Variants in RBFOX1 observed in about 807,000 individuals in gnomAD.
The protein encoded by RBFOX1 is RNA binding protein fox-1 homolog 1.
In RBFOX1, 8 loss-of-function variants were observed where a neutral mutation model predicts 57.7. That is an observed-to-expected ratio of 0.14 (90% CI 0.08 to 0.25). The LOEUF (loss-of-function observed/expected upper bound fraction) is 0.25. Ranked by LOEUF, RBFOX1 falls within the 10% of genes least tolerant of loss-of-function variation. The pLI, the probability that RBFOX1 is intolerant of heterozygous loss-of-function variation, is 1.00. For synonymous variants in RBFOX1, 326 were observed against 222.4 expected, an observed-to-expected ratio of 1.47 and a Z score of -4.15; for missense variants, 611 against 548.5, an observed-to-expected ratio of 1.11 and a Z score of -1.14.
intron 1 of RBFOX1, among the ~76,000 whole-genome samples, chr16:5,462,056 A>G (rs1197306269): frequency 1.3e-5 from 2 of 152,094 alleles, no homozygotes; most frequent in East Asian, 1.9e-4. Context: ...TCCTCACACC[A>G]TCACTGGCAC....
intron 4 of RBFOX1, among the ~76,000 whole-genome samples, chr16:7,325,890 T>C (rs2096605107): frequency 6.6e-6 from 1 of 152,202 alleles, no homozygotes; most frequent in Non-Finnish European, 1.5e-5. Context: ...TGCTTTTCCA[T>C]GTTCTCTTCT....
At chr16:7,649,442 G>A (rs1296308027) in intron 11 of RBFOX1, among the ~76,000 whole-genome samples, 1 of 152,164 alleles carries the variant, frequency 6.6e-6, no homozygotes, top group Non-Finnish European at 1.5e-5. Context: ...TAGAGGCCAG[G>A]AATACCTAAC....
At chr16:5,949,168 C>T (rs35805383) in intron 4 of RBFOX1, among the ~76,000 whole-genome samples, 2 of 152,060 alleles carry the variant, frequency 1.3e-5, no homozygotes, top group Admixed American at 1.3e-4. Flanking sequence ...ATTAGCTGAC[C>T]TAAGACATAT....
At chr16:7,702,068 C>T (rs1172454604) in intron 14 of RBFOX1, among the ~76,000 whole-genome samples, 3 of 152,172 alleles carry the variant, frequency 2.0e-5, no homozygotes, top group Non-Finnish European at 4.4e-5. Context: ...AATGGCTCTT[C>T]TCCTGCAAGA....
chr16:7,602,868 T>C (rs2095110280), intron 9 of RBFOX1, among the ~76,000 whole-genome samples: 1 of 152,154 alleles, frequency 6.6e-6, no homozygotes, highest in African/African-American at 2.4e-5. Context: ...TTTTAAAAAA[T>C]CTAAACTATA....
At chr16:7,200,588 A>G (rs1261849822) in intron 4 of RBFOX1, among the ~76,000 whole-genome samples, 1 of 152,226 alleles carries the variant, frequency 6.6e-6, no homozygotes, top group East Asian at 1.9e-4. Context: ...GTTGTGACAG[A>G]AACTGCCAGC....
intron 2 of RBFOX1, among the ~76,000 whole-genome samples, chr16:6,421,921 C>CTTT (rs35479646): frequency 2.5e-4 from 25 of 99,812 alleles, no homozygotes; most frequent in South Asian, 3.5e-4. Flanking sequence ...GGGACCAGAC[C>CTTT]TTTTTTTTTT....
intron 2 of RBFOX1, among the ~76,000 whole-genome samples, chr16:5,595,706 C>T (rs913649416): frequency 6.6e-6 from 1 of 152,184 alleles, no homozygotes; most frequent in Non-Finnish European, 1.5e-5. Flanking sequence ...CTCGCTGCAT[C>T]TCTTGGCTCT....
intron 3 of RBFOX1, among the ~76,000 whole-genome samples, chr16:6,985,852 A>AAAAAAAAAT (rs1555718884): frequency 1.5e-5 from 2 of 135,708 alleles, no homozygotes; most frequent in Non-Finnish European, 1.6e-5. Flanking sequence ...AAAAAACAGA[A>AAAAAAAAAT]TTTTTTTTTC....
intron 1 of RBFOX1, among the ~76,000 whole-genome samples, chr16:5,445,670 G>T (rs1467106072): frequency 6.6e-6 from 1 of 152,104 alleles, no homozygotes. Context: ...GAGTCACTCT[G>T]GTGGGGCTGC....
intron 5 of RBFOX1, among the ~76,000 whole-genome samples, chr16:7,579,117 ATCTTG>A (rs1426546578): frequency 5.3e-5 from 8 of 152,332 alleles, no homozygotes; most frequent in South Asian, 2.1e-4. Flanking sequence ...AAAGTTAAAT[ATCTTG>A]TTTTAATTCA....
chr16:5,414,065 C>T (rs886731276), intron 1 of RBFOX1, among the ~76,000 whole-genome samples: 12 of 152,304 alleles, frequency 7.9e-5, no homozygotes, highest in Middle Eastern at 6.8e-3. Context: ...ATGGTGGCCT[C>T]TTCTTTGGGG....
chr16:6,215,232 G>A (rs1228905261), intron 1 of RBFOX1, among the ~76,000 whole-genome samples: 1 of 137,014 alleles, frequency 7.3e-6, no homozygotes, highest in African/African-American at 2.8e-5. Context: ...GACAAAGAGG[G>A]GAAGAAGGAG....
chr16:7,167,161 T>G (rs978329707), intron 4 of RBFOX1, among the ~76,000 whole-genome samples: 23 of 151,392 alleles, frequency 1.5e-4, no homozygotes, highest in Admixed American at 1.2e-3. Flanking sequence ...AATTTTTGTG[T>G]TTTTAGTAGA....
At chr16:7,044,021 C>A (rs1032623339) in intron 3 of RBFOX1, among the ~76,000 whole-genome samples, 4 of 152,198 alleles carry the variant, frequency 2.6e-5, no homozygotes, top group Non-Finnish European at 5.9e-5. Context: ...TACACTTTCA[C>A]TGTACAAATG....
chr16:5,632,454 C>G (rs1383655495), intron 3 of RBFOX1: 1 of 152,326 alleles, frequency 6.6e-6, no homozygotes, highest in African/African-American at 2.4e-5. Context: ...AAGTGCATAG[C>G]ATAGTGACAG....
At chr16:5,782,117 A>G (rs1043284464) in intron 3 of RBFOX1, among the ~76,000 whole-genome samples, 1 of 152,238 alleles carries the variant, frequency 6.6e-6, no homozygotes, top group Non-Finnish European at 1.5e-5. Flanking sequence ...AGGCTGAGGC[A>G]GGAGAATCAC....
chr16:7,198,238 G>C (rs1007812997), intron 4 of RBFOX1, among the ~76,000 whole-genome samples: 1 of 151,892 alleles, frequency 6.6e-6, no homozygotes, highest in Non-Finnish European at 1.5e-5. Context: ...ATCTCCTAAC[G>C]TCGTGATCTG....
In RBFOX1 at chr16:5,938,157, A is replaced by G. The variant is rs182186399; in HGVS notation, c.351+70822A>G. On this transcript the variant is annotated intron_variant, in intron 4 of 19. Coordinates refer to the RBFOX1 transcript ENST00000641259. Reference sequence around the variant, plus strand: ...TTTGCTTCCGTACTTTACACAGAAAACCTGGAACCAAAAAATACTCCTTCT... The same window carrying G: ...TTTGCTTCCGTACTTTACACAGAAAGCCTGGAACCAAAAAATACTCCTTCT... Among the ~76,000 whole-genome samples, 258 of 151,816 alleles carry G rather than the reference A, an allele frequency of 1.7e-3. 2 individuals are homozygous for G. Among genetic ancestry groups the G allele is most frequent in the African/African-American group, 5.7e-3 (234 of 41,394 alleles).
Sources: gnomAD v4.1 joint callset for allele counts (sites outside exome capture counted in the v4.1 genomes callset) on GRCh38, gnomAD v4.1.1 for gene constraint, MANE v1.5 for transcripts, NCBI Gene and HGNC (gene_info 2026-07-23, HGNC 2026-07-21) for gene names.